SH3BP4: variants seen among roughly 807,000 people sequenced by gnomAD.
The protein encoded by SH3BP4 is SH3 domain binding protein 4.
A neutral mutation model predicts 65.5 loss-of-function variants in SH3BP4; 33 were observed. That is an observed-to-expected ratio of 0.50 (90% confidence interval 0.38 to 0.67). SH3BP4 has a LOEUF of 0.67. Among genes scored for constraint, SH3BP4 ranks in the 30% least tolerant of loss-of-function variants. The pLI is 0.00. For synonymous variants in SH3BP4, 552 were observed against 545.5 expected, an observed-to-expected ratio of 1.01 and a Z score of -0.17; for missense variants, 1,134 against 1,261.4, an observed-to-expected ratio of 0.90 and a Z score of 1.53.
At chr2:234,954,477 C>T (rs149522415) in intron 1 of SH3BP4, among the ~76,000 whole-genome samples, 16 of 152,200 alleles carry the variant, frequency 1.1e-4, no homozygotes, top group Non-Finnish European at 2.1e-4. Flanking sequence ...TTGGAAAGAC[C>T]CAGAAAGTGG....
At chr2:235,031,509 C>T (rs974977841) in intron 2 of SH3BP4, among the ~76,000 whole-genome samples, 11 of 152,340 alleles carry the variant, frequency 7.2e-5, no homozygotes, top group African/African-American at 2.2e-4. Context: ...CCTCCTCAAT[C>T]GGAAAGCTGC....
At position 234,997,615 on chromosome 2, in the gene SH3BP4, G is replaced by A. The variant is rs971616577; in HGVS notation, c.-133+2239G>A. On this transcript the variant is annotated intron_variant, in intron 2 of 5. Transcript: ENST00000392011. This position sits in a 1 kb window ranked among gnomAD's most constrained non-coding sequence, Gnocchi z 4.2. Reference sequence around the variant, plus strand: ...AGGGGACGGAGCCGGTGCGGAGATCGAGGCCCCACAAGGCCTGCCCCTGTG... The same window carrying A: ...AGGGGACGGAGCCGGTGCGGAGATCAAGGCCCCACAAGGCCTGCCCCTGTG... Among the ~76,000 whole-genome samples, 3 of 152,236 alleles carry A rather than the reference G, an allele frequency of 2.0e-5. No homozygotes were observed. Among genetic ancestry groups the A allele is most frequent in the East Asian group, 1.9e-4 (1 of 5,166 alleles).
rs201684842 is a variant in SH3BP4, at chr2:235,035,008, G to A, written c.6G>A (p.Ala2=). 5.0e-5 allele frequency: 81 copies of A among 1,613,630 alleles called. No individual in the cohort carries two copies. Among genetic ancestry groups the A allele is most frequent in the East Asian group, 3.6e-4 (16 of 44,848 alleles). Residue 2 remains alanine, a synonymous_variant, in exon 3 of 6, where the codon GCG becomes GCA. Coordinates refer to ENST00000392011, the MANE Select transcript of SH3BP4 (RefSeq NM_014521.3). The surrounding 1 kb of genome is among the most constrained non-coding windows in gnomAD (Gnocchi z 5.0). M[A]AQRIRAANSN... is the part of the protein sequence containing the mutation. ...CCCGGGAAGCGAGTTTCGAGATGGC[G>A]GCTCAGCGGATCCGAGCGGCCAACT...
intron 2 of SH3BP4, among the ~76,000 whole-genome samples, chr2:235,017,005 C>G (rs930691074): frequency 6.6e-6 from 1 of 151,306 alleles, no homozygotes; most frequent in African/African-American, 2.4e-5. Context: ...ACATAAATCA[C>G]CCAGATCTCA....
At chr2:235,028,556 G>A (rs559115709) in intron 2 of SH3BP4, among the ~76,000 whole-genome samples, 21 of 152,290 alleles carry the variant, frequency 1.4e-4, no homozygotes, top group Admixed American at 2.6e-4. Context: ...TGTTGAAACC[G>A]AATTCGTTCA....
chr2:235,004,463 C>A (rs1035600657), intron 2 of SH3BP4, among the ~76,000 whole-genome samples: 6 of 152,154 alleles, frequency 3.9e-5, no homozygotes, highest in Non-Finnish European at 8.8e-5. Context: ...GTGCAACCAC[C>A]ACCTCTTATC....
chr2:235,029,573 C>T (rs1222804394), intron 2 of SH3BP4, among the ~76,000 whole-genome samples: 6 of 148,824 alleles, frequency 4.0e-5, no homozygotes, highest in Non-Finnish European at 7.4e-5. Flanking sequence ...TCTCTCATGG[C>T]ACGTGCCTGG....
At position 234,971,634 on chromosome 2, in the gene SH3BP4, C is replaced by T. The variant is rs6755671; in HGVS notation, c.-207+19464C>T. 3.2e-3 allele frequency among the ~76,000 whole-genome samples: 490 copies of T among 152,308 alleles called. 2 individuals carry two copies. Among genetic ancestry groups the T allele is most frequent in the African/African-American group, 0.011 (458 of 41,562 alleles). On this transcript the variant is annotated intron_variant, in intron 1 of 5. Coordinates refer to ENST00000392011, the MANE Select transcript of SH3BP4 (RefSeq NM_014521.3). The stretch of plus-strand genomic sequence containing the variant: ...CAGTGTACAAGGGTTCCGGTTCCTT[C>T]ACATCCTCACCAGCGTTTGTTATTT...
chr2:234,955,951 C>T (rs1193438858), intron 1 of SH3BP4, among the ~76,000 whole-genome samples: 1 of 152,132 alleles, frequency 6.6e-6, no homozygotes, highest in East Asian at 1.9e-4. Flanking sequence ...GTCCAGAGCT[C>T]GTCATCACAT....
Position 235,016,218 on chromosome 2 carries a change from G to A in SH3BP4, c.-132-18653G>A, listed in dbSNP as rs941065821. On this transcript the variant is annotated intron_variant, in intron 2 of 5. Transcript: ENST00000392011. Reference sequence around the variant, plus strand: ...CCCAGGGGAGCTTGCTGTGATGGACGTAACCACATGGACAGAGACCTGGGC... The same window carrying A: ...CCCAGGGGAGCTTGCTGTGATGGACATAACCACATGGACAGAGACCTGGGC... Among the ~76,000 whole-genome samples the A allele has an allele frequency of 6.6e-5, 10 of 152,150 alleles. No homozygotes were observed. The East Asian group carries it at 7.8e-4, about 12-fold the overall frequency.
intron 1 of SH3BP4, among the ~76,000 whole-genome samples, chr2:234,964,499 G>A (rs924828750): frequency 5.4e-5 from 8 of 148,062 alleles, no homozygotes; most frequent in African/African-American, 1.7e-4. Flanking sequence ...GCATTCAAGT[G>A]CACCAGGGGA....
intron 2 of SH3BP4, among the ~76,000 whole-genome samples, chr2:235,027,396 G>A (rs1038966289): frequency 6.9e-6 from 1 of 144,048 alleles, no homozygotes; most frequent in Non-Finnish European, 1.5e-5. Context: ...TCCAAAGCTC[G>A]GGGTGCTGGG....
chr2:235,038,307 AT>A lies in SH3BP4; in HGVS notation c.119-2580del, dbSNP rs1427059311. Among the ~76,000 whole-genome samples, 5 of 14,230 alleles carry A rather than the reference AT, an allele frequency of 3.5e-4. 1 individual carries two copies. In the South Asian group the frequency reaches 8.2e-3, roughly 23 times the overall value. The allele number at this position is 14,230 out of a possible 152,430, so 9.3% of individuals were successfully genotyped here. A position where few individuals can be genotyped will look rare whatever the true frequency, so the allele number is the denominator to read the frequency against. ...TATATATAATATATATATTATATAT[AT>A]ATATTATATATTATATATATATTAT... On this transcript the variant is annotated intron_variant, in intron 3 of 5. Coordinates refer to ENST00000392011, the MANE Select transcript of SH3BP4 (RefSeq NM_014521.3).
At chr2:234,999,482 C>G (rs889972940) in intron 2 of SH3BP4, among the ~76,000 whole-genome samples, 8 of 152,296 alleles carry the variant, frequency 5.3e-5, no homozygotes, top group African/African-American at 1.7e-4. Flanking sequence ...TAGTTCATTC[C>G]TTAAAGTTGT....
At chr2:235,013,313 C>T (rs906631217) in intron 2 of SH3BP4, among the ~76,000 whole-genome samples, 4 of 152,138 alleles carry the variant, frequency 2.6e-5, no homozygotes, top group Non-Finnish European at 2.9e-5. Flanking sequence ...CCCACAATCA[C>T]GCAGGAACCT....
In SH3BP4 at chr2:234,987,023, T is replaced by C. The variant is rs113839494; in HGVS notation, c.-206-8280T>C. On this transcript the variant is annotated intron_variant, in intron 1 of 5. Transcript: ENST00000392011. ...CTGACCTCAAGGGATCCACCCGTCT[T>C]GGCCTCCCAAATTGCTTGGATTACA... 9.1e-3 allele frequency among the ~76,000 whole-genome samples: 1,378 copies of C among 151,980 alleles called. 16 individuals are homozygous for C. The highest frequency in any genetic ancestry group is 0.028 in the African/African-American group (1,172 of 41,460).
chr2:234,989,705 C>T (rs778681222), intron 1 of SH3BP4, among the ~76,000 whole-genome samples: 6 of 152,164 alleles, frequency 3.9e-5, no homozygotes, highest in South Asian at 2.1e-4. Flanking sequence ...AAGGACACTG[C>T]GACTTAAATT....
chr2:235,032,350 C>A lies in SH3BP4; in HGVS notation c.-132-2521C>A, dbSNP rs1695232992. 2.6e-5 allele frequency among the ~76,000 whole-genome samples: 4 copies of A among 152,256 alleles called. No individual in the cohort carries two copies. In the South Asian group the frequency reaches 8.3e-4, roughly 31 times the overall value. On this transcript the variant is annotated intron_variant, in intron 2 of 5. Transcript: ENST00000392011. ...CACGTGAAAGGCCACATGGCAAGTA[C>A]CAGTTGTGGGCTGGAGATTGTCCTG...
intron 2 of SH3BP4, among the ~76,000 whole-genome samples, chr2:235,029,819 C>T (rs978274563): frequency 6.6e-6 from 1 of 152,162 alleles, no homozygotes; most frequent in Admixed American, 6.5e-5. Context: ...GCCGTGGGCT[C>T]TGGGCTACCT....
Sources: allele counts gnomAD v4.1 joint callset (sites outside exome capture counted in the v4.1 genomes callset), GRCh38; gene constraint gnomAD v4.1.1; non-coding constraint Gnocchi (gnomAD v3.1); transcripts MANE v1.5; gene names NCBI Gene and HGNC (gene_info 2026-07-23, HGNC 2026-07-21).